Variants in GRIN2A observed in about 807,000 individuals in gnomAD.
The protein encoded by GRIN2A is glutamate ionotropic receptor NMDA type subunit 2A.
Under a neutral mutation model 113.4 loss-of-function variants are expected in GRIN2A, and 22 were observed. That is an observed-to-expected ratio of 0.19 (90% CI 0.14 to 0.28). The LOEUF (loss-of-function observed/expected upper bound fraction) is 0.28, where lower values mean the gene tolerates loss of function less well. Ranked by LOEUF, GRIN2A falls within the 10% of genes least tolerant of loss-of-function variation. The pLI is 1.00. For synonymous variants in GRIN2A, 827 were observed against 738.4 expected, an observed-to-expected ratio of 1.12 and a Z score of -1.94; for missense variants, 1,502 against 1,887.0, an observed-to-expected ratio of 0.80 and a Z score of 3.78.
intron 11 of GRIN2A, among the ~76,000 whole-genome samples, chr16:9,792,785 C>T (rs976141196): frequency 6.6e-6 from 1 of 152,144 alleles, no homozygotes; most frequent in African/African-American, 2.4e-5. Flanking sequence ...AGATTAAACG[C>T]TTCTCAATAC....
At chr16:10,112,185 G>C (rs559900031) in intron 2 of GRIN2A, 3 of 584,806 alleles carry the variant, frequency 5.1e-6, no homozygotes, top group African/African-American at 1.9e-5. Flanking sequence ...AGGCATCAAC[G>C]TCATAGTCTT....
intron 2 of GRIN2A, among the ~76,000 whole-genome samples, chr16:10,175,698 A>G (rs2050128925): frequency 1.3e-5 from 2 of 152,222 alleles, no homozygotes; most frequent in South Asian, 2.1e-4. Flanking sequence ...TTGCATAGGA[A>G]TAACATAGAA....
At chr16:10,082,310 A>T (rs2048000366) in intron 2 of GRIN2A, among the ~76,000 whole-genome samples, 1 of 152,210 alleles carries the variant, frequency 6.6e-6, no homozygotes, top group African/African-American at 2.4e-5. Context: ...GATGTTCCCA[A>T]AGTGATAGTC....
At chr16:9,961,179 C>T (rs118055677) in intron 2 of GRIN2A, among the ~76,000 whole-genome samples, 2,442 of 152,200 alleles carry the variant, frequency 0.016, 62 homozygotes, top group Non-Finnish European at 0.018. Flanking sequence ...CAACCATGTA[C>T]CAAGAACTAC....
rs558582962 is a variant in GRIN2A, at chr16:9,937,073, T to TAA, written c.1007+885_1007+886insTT. ...AGCTGTTTAGCTTCTAATAGGAAGC[T>TAA]TCAAAATCCCTAAATTAAATGTTTA... is the stretch of plus-strand genomic sequence containing the variant. On this transcript the variant is annotated intron_variant, in intron 3 of 12. Coordinates refer to ENST00000330684, the MANE Select transcript of GRIN2A (RefSeq NM_001134407.3). 9.2e-3 allele frequency among the ~76,000 whole-genome samples: 1,401 copies of TAA among 152,312 alleles called. 17 individuals carry two copies. The highest frequency in any genetic ancestry group is 0.032 in the African/African-American group (1,336 of 41,550).
chr16:10,010,388 C>T (rs1422696114), intron 2 of GRIN2A, among the ~76,000 whole-genome samples: 1 of 152,124 alleles, frequency 6.6e-6, no homozygotes, highest in African/African-American at 2.4e-5. Flanking sequence ...TACCTGGGCG[C>T]TGAAATAATC....
chr16:10,008,445 T>C (rs1285360354), intron 2 of GRIN2A, among the ~76,000 whole-genome samples: 1 of 152,214 alleles, frequency 6.6e-6, no homozygotes, highest in Non-Finnish European at 1.5e-5. Flanking sequence ...CCTACTGCTG[T>C]TGTTTTGTAG....
At chr16:9,960,464 C>T (rs2045415436) in intron 2 of GRIN2A, among the ~76,000 whole-genome samples, 1 of 152,080 alleles carries the variant, frequency 6.6e-6, no homozygotes, top group Non-Finnish European at 1.5e-5. Flanking sequence ...TTCAAATTTT[C>T]CATAATTAGC....
chr16:9,973,359 G>A (rs376167533), intron 2 of GRIN2A, among the ~76,000 whole-genome samples: 48 of 152,064 alleles, frequency 3.2e-4, no homozygotes, highest in Non-Finnish European at 5.6e-4. Context: ...CTACACCTCC[G>A]CCCAGGAAAA....
chr16:9,965,512 A>G (rs527373142), intron 2 of GRIN2A, among the ~76,000 whole-genome samples: 1 of 152,310 alleles, frequency 6.6e-6, no homozygotes, highest in South Asian at 2.1e-4. Context: ...TACCTCCCCT[A>G]TTTTAAGCAG....
chr16:10,036,632 G>C (rs981621076), intron 2 of GRIN2A, among the ~76,000 whole-genome samples: 2 of 150,656 alleles, frequency 1.3e-5, no homozygotes, highest in Admixed American at 6.6e-5. Context: ...ATTTTTAGTA[G>C]AGATGGCGTT....
chr16:9,934,395 C>T (rs1320331364), intron 3 of GRIN2A, among the ~76,000 whole-genome samples: 1 of 151,872 alleles, frequency 6.6e-6, no homozygotes, highest in Non-Finnish European at 1.5e-5. Flanking sequence ...GAATATAGTG[C>T]CTTGACCAGG....
At chr16:10,090,556 A>T (rs752507752) in intron 2 of GRIN2A, among the ~76,000 whole-genome samples, 2 of 152,218 alleles carry the variant, frequency 1.3e-5, no homozygotes, top group Non-Finnish European at 2.9e-5. Context: ...AGACCTAAAT[A>T]TAACAACTAA....
At chr16:10,177,551 T>A (rs2050172981) in intron 2 of GRIN2A, among the ~76,000 whole-genome samples, 1 of 152,096 alleles carries the variant, frequency 6.6e-6, no homozygotes, top group African/African-American at 2.4e-5. Context: ...CCCTCTTAAG[T>A]CTCTATTCTT....
chr16:9,808,427 G>A (rs1382301219), intron 10 of GRIN2A, among the ~76,000 whole-genome samples: 3 of 152,170 alleles, frequency 2.0e-5, no homozygotes, highest in Non-Finnish European at 4.4e-5. Context: ...CACACAGGAG[G>A]ACTGAAAGAC....
intron 2 of GRIN2A, among the ~76,000 whole-genome samples, chr16:10,125,202 G>A (rs1342842888): frequency 6.6e-6 from 1 of 152,220 alleles, no homozygotes; most frequent in Non-Finnish European, 1.5e-5. Flanking sequence ...AAACTATGGA[G>A]TCAGAACTTG....
intron 2 of GRIN2A, among the ~76,000 whole-genome samples, chr16:9,945,387 G>T (rs1314065783): frequency 6.6e-6 from 1 of 152,040 alleles, no homozygotes; most frequent in East Asian, 1.9e-4. Flanking sequence ...GTAAGCGAGG[G>T]TTCGTCAAGT....
intron 2 of GRIN2A, among the ~76,000 whole-genome samples, chr16:10,025,114 G>T (rs2046795379): frequency 6.6e-6 from 1 of 151,752 alleles, no homozygotes; most frequent in Admixed American, 6.6e-5. Flanking sequence ...AAGAAGAGAG[G>T]AATGAGTAAA....
intron 2 of GRIN2A, among the ~76,000 whole-genome samples, chr16:10,084,744 C>CTTTATTTA (rs144403767): frequency 0.43 from 62,829 of 146,890 alleles, 14,181 homozygotes; most frequent in Admixed American, 0.5. Context: ...CCACCTGACA[C>CTTTATTTA]TTTATTTATT....
Sources: allele counts gnomAD v4.1 joint callset (sites outside exome capture counted in the v4.1 genomes callset), GRCh38; gene constraint gnomAD v4.1.1; transcripts MANE v1.5; gene names NCBI Gene and HGNC (gene_info 2026-07-23, HGNC 2026-07-21).